The following ZNF783 variants were observed in gnomAD, a reference collection of about 807,000 sequenced individuals.
ZNF783 encodes the protein zinc finger protein 783.
Under a neutral mutation model 31.3 loss-of-function variants are expected in ZNF783, and 25 were observed. The observed-to-expected ratio is 0.80, with a 90% CI of 0.58 to 1.11. The LOEUF (loss-of-function observed/expected upper bound fraction) is 1.11, where lower values mean the gene tolerates loss of function less well. Among genes scored for constraint, ZNF783 ranks in the 50% most tolerant of loss-of-function variants. ZNF783 has a pLI of 0.00. For missense variants in ZNF783, 797 were observed against 760.0 expected, an observed-to-expected ratio of 1.05 and a Z score of -0.57; for synonymous variants, 369 against 319.1, an observed-to-expected ratio of 1.16 and a Z score of -1.66.
In ZNF783 at chr7:149,266,784, G is replaced by A. The variant is rs142589010; in HGVS notation, c.421-35G>A. 8.3e-3 allele frequency: 13,358 copies of A among 1,613,806 alleles called. 68 individuals are homozygous for A. Among genetic ancestry groups the A allele is most frequent in the Non-Finnish European group, 0.01 (12,185 of 1,179,998 alleles). ...AGCTCGAGGGGCTGAGCCTGTGAGC[G>A]TGTGGGTGAGTGAGTGCGACACTTA... On this transcript the variant is annotated intron_variant, in intron 2 of 5. Transcript: ENST00000434415.
At chr7:149,277,448 A>G (rs550200827) in intron 4 of ZNF783, 2 of 152,236 alleles carry the variant, frequency 1.3e-5, no homozygotes, top group African/African-American at 2.4e-5. Context: ...TGCTTAAAAA[A>G]TCAGAGCTTT....
At chr7:149,273,515 C>T (rs1563196931) in intron 4 of ZNF783, among the ~76,000 whole-genome samples, 4 of 151,640 alleles carry the variant, frequency 2.6e-5, no homozygotes, top group African/African-American at 7.3e-5. Context: ...ATGTTGAGCA[C>T]CTTTTCATAT....
chr7:149,262,459 C>CT, intron 1 of ZNF783, 102 bp downstream of exon 1: 1 of 986,422 alleles, frequency 1.0e-6, no homozygotes, highest in Non-Finnish European at 1.3e-6. Flanking sequence ...GTGAGAGGGC[C>CT]TTGCGCGCAG....
chr7:149,268,772 T>C (rs1053920211), intron 4 of ZNF783, among the ~76,000 whole-genome samples: 2 of 152,256 alleles, frequency 1.3e-5, no homozygotes, highest in Non-Finnish European at 2.9e-5. Context: ...GCACAGGACA[T>C]GATTTCATTC....
intron 5 of ZNF783, among the ~76,000 whole-genome samples, chr7:149,280,686 G>A (rs923899641): frequency 6.6e-6 from 1 of 152,050 alleles, no homozygotes; most frequent in East Asian, 1.9e-4. Context: ...CAGCCCCTCC[G>A]TGTCCACAGT....
rs1797108826 is a variant in ZNF783 at position 149,267,538 on chromosome 7, C to T, written c.673+316C>T. 2.0e-5 allele frequency among the ~76,000 whole-genome samples: 3 copies of T among 152,342 alleles called. No homozygotes were observed. In the South Asian group the frequency reaches 6.2e-4, roughly 32 times the overall value. ...ACTGGCCTGGCGCGGTGGCTCACGC[C>T]TGTAATCCCAGCACTTTGGGAGGCT... On this transcript the variant is annotated intron_variant, in intron 4 of 5. Coordinates refer to ENST00000434415, the MANE Select transcript of ZNF783 (RefSeq NM_001195220.2).
chr7:149,275,332 A>T (rs1452718768), intron 4 of ZNF783, among the ~76,000 whole-genome samples: 6 of 116,796 alleles, frequency 5.1e-5, no homozygotes, highest in Admixed American at 2.4e-4. Flanking sequence ...TTTTTTTTTT[A>T]GACGGAGTTT....
Position 149,266,428 on chromosome 7 carries a change from G to T in ZNF783, c.118G>T (p.Glu40Ter), listed in dbSNP as rs1563194122. The T allele has an allele frequency of 1.2e-6, 2 of 1,603,862 alleles. No individual in the cohort carries two copies. The highest frequency in any genetic ancestry group is 1.7e-6 in the Non-Finnish European group (2 of 1,179,864). The change falls in exon 2 of 6, where the codon GAA becomes TAA. Residue 40 changes from glutamate (E) to a stop codon, truncating the protein, a stop_gained. Transcript: ENST00000434415. LOFTEE classifies it high-confidence loss of function. ...AEKNSYLYST[E>*]ITLWTVVAAI... Reference sequence around the variant, plus strand: ...GAAGAACTCGTACCTCTACTCCACGGAAATCACACTGTGGACGGTGGTGGC... The same window carrying T: ...GAAGAACTCGTACCTCTACTCCACGTAAATCACACTGTGGACGGTGGTGGC...
intron 1 of ZNF783, among the ~76,000 whole-genome samples, chr7:149,266,107 C>T (rs1797057470): frequency 6.6e-6 from 1 of 152,188 alleles, no homozygotes; most frequent in East Asian, 1.9e-4. Flanking sequence ...GTTTTTCTTC[C>T]ACTTTCCCAC....
Position 149,266,335 on chromosome 7 carries a change from G to C in ZNF783, c.25G>C (p.Asp9His), listed in dbSNP as rs1202758829. 7 of 1,557,848 alleles carry C rather than the reference G, an allele frequency of 4.5e-6. No homozygotes were observed. The highest frequency in any genetic ancestry group is 6.0e-6 in the Non-Finnish European group (7 of 1,160,712). ...CTCTCTTTTCTCTTCTTGTGAGCAGGACCCCGAGACAGACAAGCACACAGA... is the reference window on the plus strand; with the variant it reads ...CTCTCTTTTCTCTTCTTGTGAGCAGCACCCCGAGACAGACAAGCACACAGA... MAEAAPAR[D>H]PETDKHTEDQ... Residue 9 changes from aspartate to histidine, a missense_variant and splice_region_variant, in exon 2 of 6, where the codon GAC becomes CAC. By Grantham distance (81) the Asp-to-His change is moderately conservative. Coordinates refer to ENST00000434415, the MANE Select transcript of ZNF783 (RefSeq NM_001195220.2).
chr7:149,278,179 T>C (rs1392823174), intron 4 of ZNF783: 2 of 1,335,746 alleles, frequency 1.5e-6, no homozygotes, highest in Non-Finnish European at 1.9e-6. Flanking sequence ...TGATTTCCTG[T>C]CTGCTGAATT....
Position 149,281,915 on chromosome 7 carries a change from G to A in ZNF783, c.1213G>A (p.Val405Ile), listed in dbSNP as rs764543849. 3 of 1,529,188 alleles carry A rather than the reference G, an allele frequency of 2.0e-6. No individual in the cohort carries two copies. The highest frequency in any genetic ancestry group is 2.5e-5 in the South Asian group (2 of 80,486). 94.7% of individuals were successfully genotyped at this position (1,529,188 alleles called of 1,614,324 possible). ...GGGGGAGGTGGTGGTACCCGGCCCT[G>A]TCATCCGCTGGCTCCCCGAGGAGCC... The part of the protein sequence containing the change: ...EPGEVVVPGP[V>I]IRWLPEEPEG... Residue 405 changes from valine (V) to isoleucine (I), a missense_variant, in exon 6 of 6, where the codon GTC (valine) becomes ATC (isoleucine). Val to Ile is a conservative substitution (Grantham distance 29, BLOSUM62 3). Transcript: ENST00000434415.
intron 4 of ZNF783, chr7:149,278,162 A>G: frequency 1.5e-6 from 2 of 1,297,832 alleles, no homozygotes; most frequent in East Asian, 6.9e-5. Context: ...CCTGGCGATC[A>G]TTACCGTGAT....
intron 4 of ZNF783, chr7:149,277,080 C>A (rs1370729581): frequency 2.0e-5 from 3 of 152,190 alleles, no homozygotes; most frequent in African/African-American, 7.2e-5. Flanking sequence ...GATCTCCTGA[C>A]CTTGTGATCC....
intron 4 of ZNF783, 130 bp downstream of exon 4, chr7:149,267,352 C>T (rs781753360): frequency 1.5e-5 from 19 of 1,299,864 alleles, no homozygotes; most frequent in African/African-American, 3.0e-5. Flanking sequence ...AAAGTGGGAC[C>T]ACTCTGTACA....
chr7:149,262,423 G>A (rs963944984), intron 1 of ZNF783, 66 bp downstream of exon 1: 32 of 1,181,824 alleles, frequency 2.7e-5, no homozygotes, highest in Admixed American at 4.5e-5. Context: ...CCCGCGCGAG[G>A]GACTCTGGCC....
At chr7:149,279,641 T>G (rs1585620193) in intron 5 of ZNF783, among the ~76,000 whole-genome samples, 1 of 147,596 alleles carries the variant, frequency 6.8e-6, no homozygotes, top group African/African-American at 2.4e-5. Flanking sequence ...TGTTTTTTTT[T>G]TTTTTTTTTT....
intron 4 of ZNF783, among the ~76,000 whole-genome samples, chr7:149,269,858 T>C (rs6958858): frequency 0.54 from 75,496 of 140,428 alleles, 20,096 homozygotes; most frequent in African/African-American, 0.58. Flanking sequence ...GTGTGATGTT[T>C]CCCTTTCTGT....
intron 4 of ZNF783, among the ~76,000 whole-genome samples, chr7:149,273,580 G>A (rs1345135085): frequency 6.7e-6 from 1 of 149,298 alleles, no homozygotes; most frequent in African/African-American, 2.5e-5. Context: ...TCACTCTGTT[G>A]CCCAGATGTG....
Sources: gnomAD v4.1 joint callset for allele counts (sites outside exome capture counted in the v4.1 genomes callset) on GRCh38, gnomAD v4.1.1 for gene constraint, MANE v1.5 for transcripts, NCBI Gene and HGNC (gene_info 2026-07-23, HGNC 2026-07-21) for gene names.